The following MTAP variants were observed in gnomAD, a reference collection of about 807,000 sequenced individuals.
MTAP encodes the protein S-methyl-5'-thioadenosine phosphorylase.
A neutral mutation model predicts 33.6 loss-of-function variants in MTAP; 33 were observed. That is an observed-to-expected ratio of 0.98 (90% CI 0.74 to 1.31). The LOEUF (loss-of-function observed/expected upper bound fraction) is 1.31, where lower values mean the gene tolerates loss of function less well. MTAP is among the 40% of genes most tolerant of loss of function. The pLI is 0.00. For synonymous variants in MTAP, 148 were observed against 125.7 expected (o/e 1.18, Z -1.19); for missense variants, 367 against 360.0 (o/e 1.02, Z -0.16).
chr9:21,910,655 T>G (rs114060963), intron 1 of MTAP, among the ~76,000 whole-genome samples: 1 of 152,172 alleles, frequency 6.6e-6, no homozygotes, highest in Non-Finnish European at 1.5e-5. Flanking sequence ...GGAGATATTG[T>G]GGGGGGAGTC....
intron 5 of MTAP, among the ~76,000 whole-genome samples, chr9:21,849,984 T>C (rs973265150): frequency 6.6e-6 from 1 of 152,260 alleles, no homozygotes; most frequent in African/African-American, 2.4e-5. Flanking sequence ...GCCAGCAGTA[T>C]ACCTTGACTG....
intron 1 of MTAP, among the ~76,000 whole-genome samples, chr9:21,902,212 A>G (rs897699167): frequency 1.3e-5 from 2 of 152,206 alleles, no homozygotes; most frequent in Admixed American, 6.5e-5. Context: ...TGGTCTGGAG[A>G]TAAAACAGCT....
chr9:21,857,987 G>A (rs1019331341), intron 6 of MTAP, among the ~76,000 whole-genome samples: 16 of 152,108 alleles, frequency 1.1e-4, no homozygotes, highest in Non-Finnish European at 1.5e-4. Flanking sequence ...AGATTCAGGT[G>A]TCTTAAGGTA....
chr9:21,806,837 G>A (rs1251607105), intron 1 of MTAP, among the ~76,000 whole-genome samples: 2 of 152,064 alleles, frequency 1.3e-5, no homozygotes, highest in African/African-American at 4.8e-5. Context: ...TGGCTCCCCT[G>A]GGCAGCCTCC....
chr9:21,893,621 T>G (rs1031609264), intron 1 of MTAP: 3 of 151,996 alleles, frequency 2.0e-5, no homozygotes, highest in Admixed American at 6.6e-5. Context: ...AAATGAACAC[T>G]TCTGTGCACA....
rs1250303910 is a variant in MTAP, at chr9:21,865,829, C to T, written c.*3815C>T. On this transcript the variant is annotated 3_prime_UTR_variant, in exon 8 of 8. Coordinates refer to ENST00000644715, the MANE Select transcript of MTAP (RefSeq NM_002451.4). ...GAAGATTCACTCATGTTGCATGCAT[C>T]TGTAGCTTGTGCCTTTTTTATTGCC... The T allele has an allele frequency of 1.0e-6, 1 of 990,718 alleles. No homozygotes were observed. The allele number at this position is 990,718 out of a possible 1,614,324, so 61.4% of individuals were successfully genotyped here.
intron 1 of MTAP, among the ~76,000 whole-genome samples, chr9:21,918,058 G>C (rs1238045646): frequency 6.7e-6 from 1 of 150,284 alleles, no homozygotes; most frequent in African/African-American, 2.5e-5. Context: ...AAAGGCATAA[G>C]AGTGATTAAT....
At chr9:21,923,486 A>T (rs1459349442) in intron 1 of MTAP, among the ~76,000 whole-genome samples, 1 of 152,176 alleles carries the variant, frequency 6.6e-6, no homozygotes. Flanking sequence ...AGGGCAAATA[A>T]ACATTGCTGT....
chr9:21,912,291 C>G (rs914837995), intron 1 of MTAP, among the ~76,000 whole-genome samples: 1 of 152,186 alleles, frequency 6.6e-6, no homozygotes, highest in African/African-American at 2.4e-5. Context: ...ATGAGGCCAG[C>G]ATCATCCTGA....
chr9:21,830,011 A>T (rs558476575), intron 4 of MTAP, among the ~76,000 whole-genome samples: 1 of 152,236 alleles, frequency 6.6e-6, no homozygotes, highest in South Asian at 2.1e-4. Flanking sequence ...CCTGGGTGTG[A>T]CTGCCCTGGA....
intron 1 of MTAP, among the ~76,000 whole-genome samples, chr9:21,907,119 T>C (rs900340203): frequency 1.3e-5 from 2 of 152,222 alleles, no homozygotes; most frequent in Non-Finnish European, 2.9e-5. Context: ...ATCCCAGATG[T>C]TGAAGTCATT....
chr9:21,830,386 C>G (rs1276987884), intron 4 of MTAP, among the ~76,000 whole-genome samples: 1 of 152,106 alleles, frequency 6.6e-6, no homozygotes, highest in Non-Finnish European at 1.5e-5. Flanking sequence ...TTCTTCAGTG[C>G]CTATGCCTCC....
At chr9:21,815,216 AC>A (rs1441192759) in intron 1 of MTAP, among the ~76,000 whole-genome samples, 1 of 152,226 alleles carries the variant, frequency 6.6e-6, no homozygotes, top group Non-Finnish European at 1.5e-5. Flanking sequence ...CGTTTTGGTT[AC>A]TTATAGAATA....
chr9:21,916,694 A>T (rs1339221283), intron 1 of MTAP, among the ~76,000 whole-genome samples: 1 of 152,212 alleles, frequency 6.6e-6, no homozygotes, highest in Non-Finnish European at 1.5e-5. Context: ...TGTTGCATCT[A>T]CAAGCCAAGA....
chr9:21,819,499 C>G (rs964221062), intron 4 of MTAP, among the ~76,000 whole-genome samples: 5 of 152,176 alleles, frequency 3.3e-5, no homozygotes, highest in Non-Finnish European at 7.3e-5. Flanking sequence ...CGTAGTATTC[C>G]ATGGTGTATA....
intron 4 of MTAP, among the ~76,000 whole-genome samples, chr9:21,819,248 G>A (rs1359647672): frequency 3.3e-5 from 5 of 151,096 alleles, no homozygotes; most frequent in Non-Finnish European, 4.4e-5. Context: ...CCATTAACTC[G>A]TCATTTACAT....
At chr9:21,901,810 A>T (rs1587285740) in intron 1 of MTAP, among the ~76,000 whole-genome samples, 1 of 152,196 alleles carries the variant, frequency 6.6e-6, no homozygotes, top group South Asian at 2.1e-4. Context: ...TCACAATACA[A>T]ATAAATTTAA....
At chr9:21,832,201 G>A (rs1022612056) in intron 4 of MTAP, among the ~76,000 whole-genome samples, 2 of 152,212 alleles carry the variant, frequency 1.3e-5, no homozygotes, top group African/African-American at 4.8e-5. Context: ...ACAGTGCTGA[G>A]GGATCAGTTA....
intron 5 of MTAP, among the ~76,000 whole-genome samples, chr9:21,838,295 T>TCAAGAGTATGC (rs1451206958): frequency 6.6e-6 from 1 of 152,218 alleles, no homozygotes; most frequent in East Asian, 1.9e-4. Flanking sequence ...ATCACATTAC[T>TCAAGAGTATGC]CAAGAGTATG....
Sources: gnomAD v4.1 joint callset for allele counts (sites outside exome capture counted in the v4.1 genomes callset) on GRCh38, gnomAD v4.1.1 for gene constraint, MANE v1.5 for transcripts, NCBI Gene and HGNC (gene_info 2026-07-23, HGNC 2026-07-21) for gene names.